DYNC1H1: variants seen among roughly 807,000 people sequenced by gnomAD.
DYNC1H1 encodes the protein dynein cytoplasmic 1 heavy chain 1, also known as cytoplasmic dynein 1 heavy chain 1.
A neutral mutation model predicts 527.1 loss-of-function variants in DYNC1H1; 51 were observed. That is an observed-to-expected ratio of 0.10 (90% confidence interval 0.08 to 0.12). DYNC1H1 has a LOEUF of 0.12. Among genes scored for constraint, DYNC1H1 ranks in the 10% least tolerant of loss-of-function variants. The probability of loss-of-function intolerance (pLI) is 1.00; values close to 1 mark genes in which losing one functional copy is unlikely to be tolerated. For missense variants in DYNC1H1, 2,771 were observed against 5,971.8 expected (o/e 0.46, Z 17.66); for synonymous variants, 2,189 against 2,278.8 (o/e 0.96, Z 1.12).
chr14:101,986,374 A>G lies in DYNC1H1; in HGVS notation c.2149A>G (p.Ile717Val), dbSNP rs765502137. 2 of 1,614,108 alleles carry G rather than the reference A, an allele frequency of 1.2e-6. No homozygotes were observed. The highest frequency in any genetic ancestry group is 8.5e-7 in the Non-Finnish European group (1 of 1,179,994). ...QQRNLGVSGR[I>V]FTIESTRVRG... ...GCGCAACCTCGGTGTCTCGGGGCGC[A>G]TTTTCACCATCGAAAGTACTCGGGT... Residue 717 changes from isoleucine (I) to valine (V), a missense_variant, in exon 8 of 78, where the codon ATT becomes GTT. Ile to Val is a conservative substitution (Grantham distance 29, BLOSUM62 3). Transcript: ENST00000360184. The surrounding 1 kb of genome is among the most constrained non-coding windows in gnomAD (Gnocchi z 8.7).
intron 1 of DYNC1H1, among the ~76,000 whole-genome samples, chr14:101,968,663 G>T (rs922739355): frequency 1.3e-5 from 2 of 151,976 alleles, no homozygotes; most frequent in Non-Finnish European, 2.9e-5. Context: ...CCGGTCTCAA[G>T]CGATCCACCC....
rs2047890205 is a variant in DYNC1H1 at position 101,983,332 on chromosome 14, G to A, written c.1233+42G>A. On this transcript the variant is annotated intron_variant, in intron 6 of 77. Transcript: ENST00000360184. The surrounding 1 kb of genome is among the most constrained non-coding windows in gnomAD (Gnocchi z 5.3). ...AAGACAACCAACCTCAAGACATTGA[G>A]ATGAAAATATGTCTTAATAATAAGC... 1 of 1,613,878 alleles carries A rather than the reference G, an allele frequency of 6.2e-7. No individual in the cohort carries two copies. Among genetic ancestry groups the A allele is most frequent in the Admixed American group, 1.7e-5 (1 of 60,006 alleles).
intron 52 of DYNC1H1, 74 bp from the exon 53 acceptor site, chr14:102,032,991 C>G (rs759342764): frequency 8.4e-5 from 125 of 1,489,738 alleles, no homozygotes; most frequent in Non-Finnish European, 1.1e-4. Flanking sequence ...CTGGTCTCTT[C>G]CATTTTAATT....
At chr14:101,980,653 T>G in intron 5 of DYNC1H1, 103 bp downstream of exon 5, 1 of 1,384,926 alleles carries the variant, frequency 7.2e-7, no homozygotes, top group South Asian at 1.3e-5. Context: ...ACAGATGTAC[T>G]GTCGTTTTTA....
In DYNC1H1 at chr14:101,994,206, C is replaced by T. The variant is rs1158585472; in HGVS notation, c.3038C>T (p.Thr1013Ile). 25 of 1,614,166 alleles carry T rather than the reference C, an allele frequency of 1.5e-5. No homozygotes were observed. Among genetic ancestry groups the T allele is most frequent in the Non-Finnish European group, 2.0e-5 (24 of 1,180,040 alleles). ...TAGGTGGGTGTACATTACGAATTGA[C>T]TGAGGAAGAGAAATTCTATCGGAAT... ...RYQVGVHYELTEEEKFYRNAL... is the reference protein window; with the variant it reads ...RYQVGVHYELIEEEKFYRNAL... The change falls in exon 12 of 78, where the codon ACT becomes ATT. Residue 1013 changes from threonine to isoleucine, a missense_variant. By Grantham distance (89) the Thr-to-Ile change is moderately conservative (BLOSUM62 -1). This residue lies in a region of DYNC1H1 where 179 missense variants were observed against 349.4 expected (regional missense o/e 0.51). Coordinates refer to ENST00000360184, the MANE Select transcript of DYNC1H1 (RefSeq NM_001376.5).
At chr14:101,980,040 C>T (rs1401784059) in intron 4 of DYNC1H1, 66 bp downstream of exon 4, 9 of 1,609,168 alleles carry the variant, frequency 5.6e-6, no homozygotes, top group Non-Finnish European at 6.8e-6. Context: ...GAAAACTGAT[C>T]TGGATTTTGT....
At position 102,054,228 on chromosome 14, in the gene DYNC1H1, T is replaced by C. The variant is rs543532588; in HGVS notation, c.*3665T>C. The C allele has an allele frequency of 3.3e-5, 5 of 152,318 alleles. No homozygotes were observed. The South Asian group carries it at 1.0e-3, about 32-fold the overall frequency. 9.4% of individuals were successfully genotyped at this position (152,318 alleles called of 1,614,324 possible). A position where few individuals can be genotyped will look rare whatever the true frequency, so the allele number is the denominator to read the frequency against. ...CGTTGGCAGGGCAGAGCTCCGTCTT[T>C]TCCTCTCAACAGCTCTTCCAAAGGG... is the stretch of plus-strand genomic sequence containing the variant. On this transcript the variant is annotated 3_prime_UTR_variant, in exon 78 of 78. Coordinates refer to ENST00000360184, the MANE Select transcript of DYNC1H1 (RefSeq NM_001376.5).
chr14:102,016,066 C>G lies in DYNC1H1; in HGVS notation c.7453C>G (p.Gln2485Glu), dbSNP rs1302033545. 6.2e-7 allele frequency: 1 copy of G among 1,611,032 alleles called. No individual in the cohort carries two copies. Among genetic ancestry groups the G allele is most frequent in the Non-Finnish European group, 8.5e-7 (1 of 1,178,984 alleles). Residue 2485 changes from glutamine to glutamate, a missense_variant, in exon 36 of 78, where the codon CAG becomes GAG. Around this residue, in one of 32 missense-constraint regions of DYNC1H1, gnomAD observed 122 missense variants for 168.4 expected, o/e 0.72. Coordinates refer to ENST00000360184, the MANE Select transcript of DYNC1H1 (RefSeq NM_001376.5). The surrounding 1 kb of genome is among the most constrained non-coding windows in gnomAD (Gnocchi z 7.3). ...NHPDFPMQIEQLERYIQRYLV... is the reference protein window; with the variant it reads ...NHPDFPMQIEELERYIQRYLV... Reference sequence around the variant, plus strand: ...TCCCGACTTCCCCATGCAGATCGAGCAGCTGGAGCGCTACATTCAGGTCAG... The same window carrying G: ...TCCCGACTTCCCCATGCAGATCGAGGAGCTGGAGCGCTACATTCAGGTCAG...
At chr14:101,991,799 G>A in intron 11 of DYNC1H1, 126 bp downstream of exon 11, 1 of 1,402,860 alleles carries the variant, frequency 7.1e-7, no homozygotes, top group Non-Finnish European at 9.9e-7. Flanking sequence ...AGACATCCCA[G>A]GGGAAAGTTA....
intron 9 of DYNC1H1, 65 bp downstream of exon 9, chr14:101,987,697 T>A: frequency 6.3e-7 from 1 of 1,578,802 alleles, no homozygotes; most frequent in East Asian, 2.2e-5. Context: ...GTAAGCTTAT[T>A]AGTTTGTCAC....
rs2048615930 is a variant in DYNC1H1 at position 102,039,342 on chromosome 14, C to T, written c.11461-70C>T. 5 of 1,613,044 alleles carry T rather than the reference C, an allele frequency of 3.1e-6. No individual in the cohort carries two copies. The highest frequency in any genetic ancestry group is 2.5e-6 in the Non-Finnish European group (3 of 1,179,960). ...GGCTGGCGGGCCCTGCACAGTAGCT[C>T]CTTGGCCACGCAGAAGTTCAGCGGG... On this transcript the variant is annotated intron_variant, in intron 60 of 77. Transcript: ENST00000360184. The surrounding 1 kb of genome is among the most constrained non-coding windows in gnomAD (Gnocchi z 7.0).
intron 15 of DYNC1H1, among the ~76,000 whole-genome samples, chr14:101,995,962 G>C (rs1157743434): frequency 6.6e-6 from 1 of 151,862 alleles, no homozygotes; most frequent in African/African-American, 2.4e-5. Context: ...TACTCGGGAG[G>C]CTGAGGCAGG....
intron 56 of DYNC1H1, 72 bp downstream of exon 56, chr14:102,034,524 A>C (rs2048548415): frequency 4.4e-6 from 7 of 1,607,586 alleles, no homozygotes; most frequent in Non-Finnish European, 4.2e-6. Context: ...TTCAAAATAC[A>C]CCCTTGTTTG....
At chr14:102,006,857 C>A in intron 27 of DYNC1H1, 151 bp from the exon 28 acceptor site, 2 of 773,532 alleles carry the variant, frequency 2.6e-6, no homozygotes, top group Non-Finnish European at 4.4e-6. Flanking sequence ...GCCTCGGCCT[C>A]CCGAAGTGCT....
rs1236180424 is a variant in DYNC1H1, at chr14:101,966,000, AC to A, written c.256+1055del. On this transcript the variant is annotated intron_variant, in intron 1 of 77. Transcript: ENST00000360184. The surrounding 1 kb of genome is among the most constrained non-coding windows in gnomAD (Gnocchi z 4.1). ...TACAACCACTTTGTAGCCCATTACA[AC>A]CACTTTGGGTGTGGCGTGTCCATCT... Among the ~76,000 whole-genome samples the A allele has an allele frequency of 6.6e-6, 1 of 152,066 alleles. No individual in the cohort carries two copies. Among genetic ancestry groups the A allele is most frequent in the Non-Finnish European group, 1.5e-5 (1 of 68,026 alleles).
At position 101,986,176 on chromosome 14, in the gene DYNC1H1, G is replaced by T; in HGVS notation, c.1951G>T (p.Ala651Ser). 1 of 1,614,184 alleles carries T rather than the reference G, an allele frequency of 6.2e-7. No individual in the cohort carries two copies. Among genetic ancestry groups the T allele is most frequent in the Non-Finnish European group, 8.5e-7 (1 of 1,180,030 alleles). ...CCCTGTGTCAGGGTCTATCATCTGG[G>T]CTAAACAGATCGACAGGCAGCTGAC... ...LPPVSGSIIWAKQIDRQLTAY... is the reference protein window; with the variant it reads ...LPPVSGSIIWSKQIDRQLTAY... Residue 651 changes from alanine to serine, a missense_variant, in exon 8 of 78, where the codon GCT (alanine) becomes TCT (serine). Coordinates refer to ENST00000360184, the MANE Select transcript of DYNC1H1 (RefSeq NM_001376.5). The surrounding 1 kb of genome is among the most constrained non-coding windows in gnomAD (Gnocchi z 8.7).
chr14:102,003,014 G>A, intron 23 of DYNC1H1, 49 bp downstream of exon 23: 1 of 1,611,568 alleles, frequency 6.2e-7, no homozygotes, highest in Non-Finnish European at 8.5e-7. Flanking sequence ...AATTTCAGTT[G>A]TGCATTTTTC....
chr14:102,044,542 G>T lies in DYNC1H1; in HGVS notation c.12902+51G>T, dbSNP rs1412609748. 6.2e-7 allele frequency: 1 copy of T among 1,613,948 alleles called. No homozygotes were observed. Among genetic ancestry groups the T allele is most frequent in the Admixed American group, 1.7e-5 (1 of 60,028 alleles). ...GACAGTTGTGATGTCAGGGCGTCTG[G>T]TGTCACTCAGAGGTGACCCCTGACA... On this transcript the variant is annotated intron_variant, in intron 71 of 77. Coordinates refer to ENST00000360184, the MANE Select transcript of DYNC1H1 (RefSeq NM_001376.5). This position sits in a 1 kb window ranked among gnomAD's most constrained non-coding sequence, Gnocchi z 7.1.
At chr14:102,048,118 A>G in intron 73 of DYNC1H1, 90 bp downstream of exon 73, 1 of 1,475,880 alleles carries the variant, frequency 6.8e-7, no homozygotes, top group Non-Finnish European at 9.2e-7. Context: ...CATTGGTTCC[A>G]CTGTGCCGGA....
Sources: allele counts gnomAD v4.1 joint callset (sites outside exome capture counted in the v4.1 genomes callset), GRCh38; gene constraint gnomAD v4.1.1; regional missense constraint gnomAD v4.1.1; non-coding constraint Gnocchi (gnomAD v3.1); transcripts MANE v1.5; gene names NCBI Gene and HGNC (gene_info 2026-07-23, HGNC 2026-07-21).